The following USP7 variants were observed in gnomAD, a reference collection of about 807,000 sequenced individuals.
USP7 encodes ubiquitin specific peptidase 7.
USP7 carries 9 observed loss-of-function variants against 162.9 expected under a neutral mutation model. The observed-to-expected ratio is 0.06, with a 90% CI of 0.03 to 0.10. The LOEUF is 0.10. USP7 is among the 10% of genes least tolerant of loss of function. The pLI is 1.00. For missense variants in USP7, 715 were observed against 1,373.7 expected (o/e 0.52, Z 7.58); for synonymous variants, 562 against 475.9 (o/e 1.18, Z -2.35).
intron 3 of USP7, among the ~76,000 whole-genome samples, chr16:8,921,829 A>G (rs1450211900): frequency 6.6e-6 from 1 of 152,206 alleles, no homozygotes; most frequent in Non-Finnish European, 1.5e-5. Flanking sequence ...GTGGACCACA[A>G]AAGGGCCTCT....
intron 1 of USP7, among the ~76,000 whole-genome samples, chr16:8,960,273 C>T (rs998360185): frequency 6.6e-6 from 1 of 152,164 alleles, no homozygotes; most frequent in African/African-American, 2.4e-5. Context: ...GTGGTTGCAA[C>T]CCCAGCAAAC....
Position 8,919,106 on chromosome 16 carries a change from G to T in USP7, c.645C>A (p.Gly215=), listed in dbSNP as rs1897535759. The part of the protein sequence containing the change: ...WDSKKHTGYV[G]LKNQGATCYM... ...AACAAGTCGCTCCCTGATTCTTTAA[G>T]CCGACGTAGCCTGTGTGCTTCTTTG... Residue 215 remains glycine, a synonymous_variant, in exon 6 of 31, where the codon GGC becomes GGA. Coordinates refer to ENST00000344836, the MANE Select transcript of USP7 (RefSeq NM_003470.3). The T allele has an allele frequency of 6.2e-7, 1 of 1,613,974 alleles. No individual in the cohort carries two copies.
intron 26 of USP7, 76 bp downstream of exon 26, chr16:8,896,923 C>T: frequency 8.8e-7 from 1 of 1,134,006 alleles, no homozygotes; most frequent in Non-Finnish European, 1.3e-6. Flanking sequence ...GTGATTTCCA[C>T]CAACGCAACT....
chr16:8,955,989 C>T (rs1015644599), intron 1 of USP7, among the ~76,000 whole-genome samples: 6 of 152,078 alleles, frequency 3.9e-5, no homozygotes, highest in African/African-American at 9.7e-5. Context: ...CACTTGCAGC[C>T]CCACCCTGGG....
At position 8,963,226 on chromosome 16, in the gene USP7, G is replaced by A. The variant is rs374020920; in HGVS notation, c.60C>T (p.Pro20=). The A allele has an allele frequency of 5.8e-3, 8,180 of 1,409,262 alleles. 73 individuals carry two copies. Among genetic ancestry groups the A allele is most frequent in the Middle Eastern group, 0.019 (83 of 4,448 alleles). The allele number at this position is 1,409,262 out of a possible 1,614,324, so 87.3% of individuals were successfully genotyped here. ...CCTCACCTTCCATCTCCATGTCCTC[G>A]GGCTCGCTCAACTGCTGCTCGCCCG... The part of the protein sequence containing the change: ...QKAGEQQLSE[P]EDMEMEAGDT... Residue 20 remains proline (P), a synonymous_variant, in exon 1 of 31, where the codon CCC becomes CCT. Coordinates refer to ENST00000344836, the MANE Select transcript of USP7 (RefSeq NM_003470.3).
At chr16:8,944,696 A>G (rs909457413) in intron 1 of USP7, among the ~76,000 whole-genome samples, 1 of 152,256 alleles carries the variant, frequency 6.6e-6, no homozygotes, top group Admixed American at 6.5e-5. Flanking sequence ...CTGGAGACAC[A>G]GACCACCATT....
At chr16:8,917,935 G>A (rs1247799336) in intron 6 of USP7, among the ~76,000 whole-genome samples, 1 of 152,174 alleles carries the variant, frequency 6.6e-6, no homozygotes, top group Non-Finnish European at 1.5e-5. Flanking sequence ...GACTACAGGT[G>A]CACGCCGCCA....
At chr16:8,959,177 GGAGAAACTGAGGAACCAA>G (rs1899913297) in intron 1 of USP7, among the ~76,000 whole-genome samples, 1 of 152,138 alleles carries the variant, frequency 6.6e-6, no homozygotes, top group Non-Finnish European at 1.5e-5. Context: ...TTTAAGGGAT[GGAGAAACTGAGGAACCAA>G]GAGCTTAAGC....
chr16:8,948,824 C>T (rs564662896), intron 1 of USP7, among the ~76,000 whole-genome samples: 219 of 152,224 alleles, frequency 1.4e-3, no homozygotes, highest in African/African-American at 5.1e-3. Context: ...CTTAGCCAGG[C>T]GTGGTGGCGT....
rs754797194 is a variant in USP7, at chr16:8,894,531, G to A, written c.3202+19C>T. The stretch of plus-strand genomic sequence containing the variant: ...AGTCTGAAACCCACACCAGCCCCCG[G>A]GGGGGGGAGAACCCTTACCGGGCTG... On this transcript the variant is annotated intron_variant, in intron 30 of 30. Coordinates refer to ENST00000344836, the MANE Select transcript of USP7 (RefSeq NM_003470.3). 6.8e-6 allele frequency: 10 copies of A among 1,465,380 alleles called. No individual in the cohort carries two copies. Among genetic ancestry groups the A allele is most frequent in the South Asian group, 2.4e-5 (2 of 85,000 alleles). 90.8% of individuals were successfully genotyped at this position (1,465,380 alleles called of 1,614,324 possible).
intron 13 of USP7, among the ~76,000 whole-genome samples, chr16:8,906,074 AG>A (rs1428425943): frequency 6.6e-6 from 1 of 152,202 alleles, no homozygotes; most frequent in Non-Finnish European, 1.5e-5. Flanking sequence ...AGGTAGGACC[AG>A]GGGGCACGCA....
At chr16:8,910,932 G>A (rs1026927010) in intron 10 of USP7, 105 bp from the exon 11 acceptor site, 82 of 933,118 alleles carry the variant, frequency 8.8e-5, no homozygotes, top group Non-Finnish European at 1.3e-4. Context: ...TAGCAGAGAA[G>A]GTAAACAACA....
rs117654423 is a variant in USP7 at position 8,901,826 on chromosome 16, T to C, written c.2047+256A>G. 69 of 494,326 alleles carry C rather than the reference T, an allele frequency of 1.4e-4. No individual in the cohort carries two copies. In the East Asian group the frequency reaches 2.1e-3, roughly 15 times the overall value. The allele number at this position is 494,326 out of a possible 1,614,324, so 30.6% of individuals were successfully genotyped here. On this transcript the variant is annotated intron_variant, in intron 18 of 30. Transcript: ENST00000344836. Reference sequence around the variant, plus strand: ...CTCTTTAGGATCTGACCAACGTGATTAGCACAGCACAGCAGCTGAGACTGA... The same window carrying C: ...CTCTTTAGGATCTGACCAACGTGATCAGCACAGCACAGCAGCTGAGACTGA...
intron 1 of USP7, among the ~76,000 whole-genome samples, chr16:8,956,908 T>C (rs1025640099): frequency 1.3e-5 from 2 of 152,126 alleles, no homozygotes; most frequent in Non-Finnish European, 2.9e-5. Context: ...CCAGCCCTTC[T>C]GGGCAGCACA....
chr16:8,904,579 G>T lies in USP7; in HGVS notation c.1574-14C>A. Reference sequence around the variant, plus strand: ...GTAAAACTTCACCTGCAGGACAAAGGCATCCTCTTTGACCCCTGCAGATGG... The same window carrying T: ...GTAAAACTTCACCTGCAGGACAAAGTCATCCTCTTTGACCCCTGCAGATGG... On this transcript the variant is annotated splice_polypyrimidine_tract_variant and intron_variant, in intron 14 of 30. Coordinates refer to ENST00000344836, the MANE Select transcript of USP7 (RefSeq NM_003470.3). 4 of 1,613,216 alleles carry T rather than the reference G, an allele frequency of 2.5e-6. No homozygotes were observed. The highest frequency in any genetic ancestry group is 3.4e-6 in the Non-Finnish European group (4 of 1,179,842).
intron 12 of USP7, among the ~76,000 whole-genome samples, chr16:8,907,140 C>G (rs2061873327): frequency 6.6e-6 from 1 of 152,252 alleles, no homozygotes; most frequent in Admixed American, 6.5e-5. Context: ...CTGCGGCCTT[C>G]AGGAATGGTG....
At chr16:8,958,181 G>A (rs954118927) in intron 1 of USP7, among the ~76,000 whole-genome samples, 5 of 152,128 alleles carry the variant, frequency 3.3e-5, no homozygotes, top group Non-Finnish European at 7.3e-5. Context: ...CCATCCCACC[G>A]GCACAGTAGC....
At chr16:8,962,706 G>A (rs1248091354) in intron 1 of USP7, 4 of 184,422 alleles carry the variant, frequency 2.2e-5, no homozygotes, top group African/African-American at 7.0e-5. Flanking sequence ...TAAGCCCGAC[G>A]CTAGGCAGTG....
chr16:8,943,402 T>C (rs988622503), intron 1 of USP7, among the ~76,000 whole-genome samples: 6 of 151,098 alleles, frequency 4.0e-5, no homozygotes, highest in Non-Finnish European at 5.9e-5. Context: ...ACAATGCAAG[T>C]AGAAGTTGCA....
Sources: allele counts gnomAD v4.1 joint callset (sites outside exome capture counted in the v4.1 genomes callset), GRCh38; gene constraint gnomAD v4.1.1; transcripts MANE v1.5; gene names NCBI Gene and HGNC (gene_info 2026-07-23, HGNC 2026-07-21).